Variants in GAS2 observed in about 807,000 individuals in gnomAD.
GAS2 encodes growth arrest-specific protein 2.
In GAS2, 20 loss-of-function variants were observed where a neutral mutation model predicts 37.5. The ratio of observed to expected loss-of-function variants is 0.53; its 90% CI spans 0.37 to 0.77. The LOEUF is 0.77. Among genes scored for constraint, GAS2 ranks in the 30% least tolerant of loss-of-function variants. The probability of loss-of-function intolerance (pLI) is 0.00; values close to 1 mark genes in which losing one functional copy is unlikely to be tolerated. For synonymous variants in GAS2, 144 were observed against 132.2 expected (o/e 1.09, Z -0.61); for missense variants, 336 against 373.4 (o/e 0.90, Z 0.82).
intron 3 of GAS2, among the ~76,000 whole-genome samples, chr11:22,699,601 G>T (rs1438237375): frequency 6.6e-6 from 1 of 152,058 alleles, no homozygotes; most frequent in Non-Finnish European, 1.5e-5. Flanking sequence ...TTTTTAGAGA[G>T]GGCAGCTGAA....
At chr11:22,649,093 C>G (rs1244522184) in intron 1 of GAS2, among the ~76,000 whole-genome samples, 1 of 152,096 alleles carries the variant, frequency 6.6e-6, no homozygotes, top group East Asian at 1.9e-4. Flanking sequence ...TACGTCCCAT[C>G]AATACCTAAT....
At chr11:22,660,487 T>G (rs560352491) in intron 1 of GAS2, among the ~76,000 whole-genome samples, 1 of 152,328 alleles carries the variant, frequency 6.6e-6, no homozygotes, top group East Asian at 1.9e-4. Flanking sequence ...TCTCAAGACA[T>G]GCCTATGAGA....
rs149830117 is a variant in GAS2, at chr11:22,685,162, T to TAG, written c.146-491_146-490dup. 2.1e-3 allele frequency among the ~76,000 whole-genome samples: 316 copies of TAG among 149,482 alleles called. 2 individuals are homozygous for TAG. Among genetic ancestry groups the TAG allele is most frequent in the African/African-American group, 6.3e-3 (256 of 40,802 alleles). On this transcript the variant is annotated intron_variant, in intron 2 of 7. Coordinates refer to ENST00000454584, the MANE Select transcript of GAS2 (RefSeq NM_001143830.3). ...GATTGCGTGACAGAGTACAATCCTG[T>TAG]AGAGAGAGAGAGAGAGCGAGAGACC...
chr11:22,761,202 G>GT (rs573514620), intron 7 of GAS2, among the ~76,000 whole-genome samples: 305 of 152,036 alleles, frequency 2.0e-3, no homozygotes, highest in African/African-American at 7.1e-3. Context: ...TACGTACTCA[G>GT]TTTTTTCTCT....
chr11:22,653,112 C>G (rs941373677), intron 1 of GAS2, among the ~76,000 whole-genome samples: 4 of 150,698 alleles, frequency 2.7e-5, no homozygotes, highest in Admixed American at 6.6e-5. Flanking sequence ...TTCCTCCCTT[C>G]CTTCCTCCCT....
chr11:22,800,028 C>G (rs914720642), intron 7 of GAS2, among the ~76,000 whole-genome samples: 9 of 152,038 alleles, frequency 5.9e-5, no homozygotes, highest in African/African-American at 2.2e-4. Flanking sequence ...TTCACAATAT[C>G]TATGGAGTGA....
At chr11:22,649,832 T>C (rs1304894594) in intron 1 of GAS2, among the ~76,000 whole-genome samples, 90 of 151,856 alleles carry the variant, frequency 5.9e-4, no homozygotes, top group African/African-American at 2.0e-3. Flanking sequence ...GTCTTGCTAG[T>C]GGTCTATCAA....
chr11:22,723,852 A>G (rs1391978525), intron 3 of GAS2, among the ~76,000 whole-genome samples: 4 of 151,834 alleles, frequency 2.6e-5, no homozygotes, highest in African/African-American at 9.7e-5. Context: ...TATTATTTTT[A>G]TAATATGTTT....
chr11:22,738,087 A>C (rs1852851818), intron 5 of GAS2, among the ~76,000 whole-genome samples: 1 of 152,132 alleles, frequency 6.6e-6, no homozygotes, highest in Non-Finnish European at 1.5e-5. Flanking sequence ...CCTTAGTGGA[A>C]AGTCTATTCC....
chr11:22,707,777 G>T (rs1028270808), intron 3 of GAS2, among the ~76,000 whole-genome samples: 1 of 152,110 alleles, frequency 6.6e-6, no homozygotes. Flanking sequence ...TGGAGAGAAC[G>T]TTTGGCACAT....
intron 4 of GAS2, among the ~76,000 whole-genome samples, chr11:22,727,413 T>C (rs1167140853): frequency 6.6e-6 from 1 of 152,076 alleles, no homozygotes; most frequent in African/African-American, 2.4e-5. Flanking sequence ...AAAATGCCTA[T>C]TGCCCCTAGG....
intron 7 of GAS2, among the ~76,000 whole-genome samples, chr11:22,775,881 G>C (rs1855232641): frequency 6.6e-6 from 1 of 152,014 alleles, no homozygotes; most frequent in Non-Finnish European, 1.5e-5. Flanking sequence ...AAAAAATATA[G>C]AGCTCTGCCC....
chr11:22,800,910 C>G (rs1856633777), intron 7 of GAS2, among the ~76,000 whole-genome samples: 1 of 151,832 alleles, frequency 6.6e-6, no homozygotes, highest in Non-Finnish European at 1.5e-5. Flanking sequence ...ATATATACAG[C>G]TTGGTTATCT....
At chr11:22,700,258 T>C (rs901445569) in intron 3 of GAS2, among the ~76,000 whole-genome samples, 3 of 152,164 alleles carry the variant, frequency 2.0e-5, no homozygotes, top group Admixed American at 2.0e-4. Flanking sequence ...AATAAATAAA[T>C]GCCCCAAGAT....
intron 1 of GAS2, among the ~76,000 whole-genome samples, chr11:22,654,994 C>T (rs1478689715): frequency 6.6e-6 from 1 of 152,094 alleles, no homozygotes; most frequent in East Asian, 1.9e-4. Context: ...TGAATGGCAA[C>T]CTTAGTTTCC....
At chr11:22,753,355 A>T (rs975527687) in intron 6 of GAS2, among the ~76,000 whole-genome samples, 1 of 152,062 alleles carries the variant, frequency 6.6e-6, no homozygotes, top group African/African-American at 2.4e-5. Context: ...TTTTAAAATG[A>T]ACTCCATTTT....
intron 3 of GAS2, among the ~76,000 whole-genome samples, chr11:22,686,409 A>T (rs994616061): frequency 8.6e-5 from 13 of 151,850 alleles, no homozygotes; most frequent in Admixed American, 7.2e-4. Flanking sequence ...ATGAAAAGAG[A>T]TATAAAAAAT....
chr11:22,773,990 T>A (rs961036952), intron 7 of GAS2, among the ~76,000 whole-genome samples: 1 of 152,146 alleles, frequency 6.6e-6, no homozygotes, highest in Non-Finnish European at 1.5e-5. Context: ...TTTAATTTTA[T>A]GTGCAATTTT....
chr11:22,644,668 T>G (rs972333489), intron 1 of GAS2, among the ~76,000 whole-genome samples: 11 of 132,288 alleles, frequency 8.3e-5, no homozygotes, highest in Non-Finnish European at 1.5e-4. Flanking sequence ...TCACCCAGGC[T>G]GCAGTGCAGT....
Sources: allele counts gnomAD v4.1 joint callset (sites outside exome capture counted in the v4.1 genomes callset), GRCh38; gene constraint gnomAD v4.1.1; transcripts MANE v1.5; gene names NCBI Gene and HGNC (gene_info 2026-07-23, HGNC 2026-07-21).